The following NFASC variants were observed in gnomAD, a reference collection of about 807,000 sequenced individuals.
NFASC encodes the protein neurofascin.
Under a neutral mutation model 147.5 loss-of-function variants are expected in NFASC, and 43 were observed. The ratio of observed to expected loss-of-function variants is 0.29; its 90% CI spans 0.23 to 0.38. The LOEUF is 0.38. NFASC is among the 10% of genes least tolerant of loss of function. The pLI is 1.00. For missense variants in NFASC, 1,320 were observed against 1,689.0 expected, an observed-to-expected ratio of 0.78 and a Z score of 3.83; for synonymous variants, 622 against 665.5, an observed-to-expected ratio of 0.93 and a Z score of 1.01.
Position 204,957,816 on chromosome 1 carries a change from G to C in NFASC, c.696G>C (p.Lys232Asn). The C allele has an allele frequency of 6.2e-7, 1 of 1,614,128 alleles. No homozygotes were observed. The highest frequency in any genetic ancestry group is 8.5e-7 in the Non-Finnish European group (1 of 1,180,020). ...TIQQKNPFTL[K>N]VLTTRGVAER... The stretch of plus-strand genomic sequence containing the variant: ...AGCAGAAGAACCCTTTCACCCTCAA[G>C]GTCCTCACCAGTAAGTGAAGGCCCC... Residue 232 changes from lysine to asparagine, a missense_variant, in exon 8 of 30, where the codon AAG becomes AAC. This residue lies in a region of NFASC where 981 missense variants were observed against 1,289.5 expected (regional missense o/e 0.76). Transcript: ENST00000339876.
At chr1:204,845,477 T>A (rs978066159) in intron 1 of NFASC, among the ~76,000 whole-genome samples, 7 of 151,462 alleles carry the variant, frequency 4.6e-5, no homozygotes, top group Admixed American at 4.6e-4. Context: ...ATAATAATAA[T>A]AAAATAAAGG....
chr1:205,012,706 G>A (rs2096275296), intron 28 of NFASC, 91 bp from the exon 29 acceptor site: 1 of 952,690 alleles, frequency 1.0e-6, no homozygotes, highest in Non-Finnish European at 1.7e-6. Flanking sequence ...CCAGGGCGGT[G>A]CCTTCTGGCC....
chr1:204,957,608 T>C lies in NFASC; in HGVS notation c.536-48T>C, dbSNP rs759068823. 1.9e-6 allele frequency: 3 copies of C among 1,584,336 alleles called. No individual in the cohort carries two copies. In the South Asian group the frequency reaches 3.3e-5, roughly 18 times the overall value. On this transcript the variant is annotated intron_variant, in intron 7 of 29. Transcript: ENST00000339876. ...GTCGCCAGGACTGCGGTGGTGATGA[T>C]TACTGTTATTACTACTAACCTGCTG...
intron 2 of NFASC, among the ~76,000 whole-genome samples, chr1:204,942,405 A>G (rs2093419596): frequency 6.6e-6 from 1 of 152,212 alleles, no homozygotes; most frequent in African/African-American, 2.4e-5. Context: ...AGAGATGAGC[A>G]GTGAGCTAGC....
chr1:205,008,534 G>A (rs2096183084), intron 27 of NFASC: 2 of 152,618 alleles, frequency 1.3e-5, no homozygotes, highest in Admixed American at 1.3e-4. Context: ...TGCATTTCAG[G>A]AGGGGTCGCT....
Position 205,015,769 on chromosome 1 carries a change from AG to A in NFASC, c.3492-538del. Among the ~76,000 whole-genome samples, 1 of 152,098 alleles carries A rather than the reference AG, an allele frequency of 6.6e-6. No individual in the cohort carries two copies. The highest frequency in any genetic ancestry group is 1.9e-4 in the East Asian group (1 of 5,150). On this transcript the variant is annotated intron_variant, in intron 29 of 29. Transcript: ENST00000339876. This position sits in a 1 kb window ranked among gnomAD's most constrained non-coding sequence, Gnocchi z 4.0. ...ATAGCTCAGCGAAAGACACCAAGAC[AG>A]ACAAGCAGAGAGGTGAGGGAGAGGT...
At chr1:204,842,261 C>T (rs936052291) in intron 1 of NFASC, among the ~76,000 whole-genome samples, 1 of 152,174 alleles carries the variant, frequency 6.6e-6, no homozygotes, top group Admixed American at 6.5e-5. Context: ...TCTAATTTGG[C>T]TGATTCTTCT....
Position 204,968,268 on chromosome 1 carries a change from A to G in NFASC, c.726A>G (p.Arg242=), listed in dbSNP as rs199749786. The G allele has an allele frequency of 1.3e-4, 212 of 1,614,118 alleles. 1 individual carries two copies. Among genetic ancestry groups the G allele is most frequent in the South Asian group, 8.3e-4 (76 of 91,080 alleles). ...TTTCAGCCCGAGGAGTTGCAGAAAG[A>G]ACACCAAGCTTCATGTATCCCCAGG... ...KVLTTRGVAE[R]TPSFMYPQGT... is the part of the protein sequence containing the mutation. Residue 242 remains arginine, a synonymous_variant, in exon 9 of 30, where the codon AGA becomes AGG. Transcript: ENST00000339876. The surrounding 1 kb of genome is among the most constrained non-coding windows in gnomAD (Gnocchi z 5.4).
chr1:204,850,829 T>C (rs7529301), intron 1 of NFASC, among the ~76,000 whole-genome samples: 31,431 of 152,134 alleles, frequency 0.21, 4,832 homozygotes, highest in East Asian at 0.53. Context: ...TGAGAATGGA[T>C]TCATACAGTG....
Position 205,018,094 on chromosome 1 carries a change from T to TC in NFASC, c.*1559dup, listed in dbSNP as rs1338268557. On this transcript the variant is annotated 3_prime_UTR_variant, in exon 30 of 30. Transcript: ENST00000339876. ...CAGACCGAAGGTGCTGCCTTCATCC[T>TC]CCCCACCTAATGCATTTTTGAAACC... is the stretch of plus-strand genomic sequence containing the variant. The TC allele has an allele frequency of 6.5e-6, 1 of 152,760 alleles. No individual in the cohort carries two copies. Among genetic ancestry groups the TC allele is most frequent in the Non-Finnish European group, 1.5e-5 (1 of 68,108 alleles). 9.5% of individuals were successfully genotyped at this position (152,760 alleles called of 1,614,324 possible). A position where few individuals can be genotyped will look rare whatever the true frequency, so the allele number is the denominator to read the frequency against.
chr1:204,954,131 T>C lies in NFASC; in HGVS notation c.216-57T>C. On this transcript the variant is annotated intron_variant, in intron 5 of 29. Coordinates refer to ENST00000339876, the MANE Select transcript of NFASC (RefSeq NM_001005388.3). The surrounding 1 kb of genome is among the most constrained non-coding windows in gnomAD (Gnocchi z 5.7). ...AGGGACTAGGGATCTGAGATCTGCC[T>C]GGAGCCCAGAGCCCACCCCATTCGT... 1 of 1,524,408 alleles carries C rather than the reference T, an allele frequency of 6.6e-7. No individual in the cohort carries two copies. The highest frequency in any genetic ancestry group is 1.1e-5 in the South Asian group (1 of 88,700). The allele number at this position is 1,524,408 out of a possible 1,614,324, so 94.4% of individuals were successfully genotyped here. A position where few individuals can be genotyped will look rare whatever the true frequency, so the allele number is the denominator to read the frequency against.
chr1:204,916,217 T>G (rs1480211332), intron 1 of NFASC, among the ~76,000 whole-genome samples: 1 of 152,210 alleles, frequency 6.6e-6, no homozygotes. Flanking sequence ...TTGGAAGATA[T>G]CAGGTGCCTT....
chr1:204,985,996 C>T, intron 21 of NFASC: 1 of 1,613,978 alleles, frequency 6.2e-7, no homozygotes, highest in Non-Finnish European at 8.5e-7. Context: ...GTGACCGCCT[C>T]CGTGGCGTGG....
intron 1 of NFASC, among the ~76,000 whole-genome samples, chr1:204,910,867 C>A (rs1372756187): frequency 6.6e-6 from 1 of 151,976 alleles, no homozygotes; most frequent in Admixed American, 6.6e-5. Flanking sequence ...TGTAGACCAT[C>A]ATAGTATCTG....
chr1:204,918,063 T>G (rs1391226293), intron 1 of NFASC, among the ~76,000 whole-genome samples: 1 of 152,200 alleles, frequency 6.6e-6, no homozygotes, highest in African/African-American at 2.4e-5. Context: ...TTAATCTTAC[T>G]TTTGTGTCTC....
intron 10 of NFASC, among the ~76,000 whole-genome samples, chr1:204,970,007 C>T (rs1461972803): frequency 2.3e-5 from 3 of 129,694 alleles, no homozygotes; most frequent in African/African-American, 5.7e-5. Flanking sequence ...ACCTGGGAGG[C>T]GGAAGTTGCA....
intron 21 of NFASC, chr1:204,984,410 T>TATATAC (rs1491151468): frequency 1.4e-5 from 2 of 140,834 alleles, no homozygotes; most frequent in African/African-American, 2.7e-5. Flanking sequence ...TATATATATA[T>TATATAC]ACACCCAGAT....
At chr1:204,868,774 C>G (rs1441922858) in intron 1 of NFASC, among the ~76,000 whole-genome samples, 4 of 152,186 alleles carry the variant, frequency 2.6e-5, no homozygotes, top group Non-Finnish European at 5.9e-5. Flanking sequence ...CTGGGTCTGC[C>G]CACCCCTCCA....
At chr1:204,887,877 C>T (rs759367434) in intron 1 of NFASC, among the ~76,000 whole-genome samples, 2 of 152,158 alleles carry the variant, frequency 1.3e-5, no homozygotes, top group East Asian at 1.9e-4. Flanking sequence ...GGATTACAGG[C>T]ATGAGCCACC....
Sources: allele counts gnomAD v4.1 joint callset (sites outside exome capture counted in the v4.1 genomes callset), GRCh38; gene constraint gnomAD v4.1.1; regional missense constraint gnomAD v4.1.1; non-coding constraint Gnocchi (gnomAD v3.1); transcripts MANE v1.5; gene names NCBI Gene and HGNC (gene_info 2026-07-23, HGNC 2026-07-21).